NLRP8: variants seen among roughly 807,000 people sequenced by gnomAD.
NLRP8 encodes the protein NACHT, LRR and PYD domains-containing protein 8.
A neutral mutation model predicts 88.7 loss-of-function variants in NLRP8; 86 were observed. That is an observed-to-expected ratio of 0.97 (90% CI 0.81 to 1.16). The LOEUF (loss-of-function observed/expected upper bound fraction) is 1.16. Among genes scored for constraint, NLRP8 ranks in the 50% most tolerant of loss-of-function variants. The pLI, the probability that NLRP8 is intolerant of heterozygous loss-of-function variation, is 0.00. For missense variants in NLRP8, 1,342 were observed against 1,286.5 expected (o/e 1.04, Z -0.66); for synonymous variants, 504 against 494.6 (o/e 1.02, Z -0.25).
At chr19:55,979,161 C>T (rs1568469083) in intron 8 of NLRP8, among the ~76,000 whole-genome samples, 3 of 152,282 alleles carry the variant, frequency 2.0e-5, no homozygotes, top group African/African-American at 2.4e-5. Context: ...AAGCCATTTT[C>T]GAAAGATATA....
intron 6 of NLRP8, among the ~76,000 whole-genome samples, chr19:55,972,605 A>G (rs1980125741): frequency 6.7e-6 from 1 of 149,610 alleles, no homozygotes; most frequent in Non-Finnish European, 1.5e-5. Flanking sequence ...CCAAGTCCCC[A>G]AAGTCCAGTC....
intron 8 of NLRP8, among the ~76,000 whole-genome samples, chr19:55,976,720 A>ATGTATAAATATATATG: frequency 6.7e-6 from 1 of 149,710 alleles, no homozygotes; most frequent in Non-Finnish European, 1.5e-5. Context: ...ATAAAGATAC[A>ATGTATAAATATATATG]TATATAAATA....
chr19:55,985,873 G>A lies in NLRP8; in HGVS notation c.3048-1941G>A, dbSNP rs528543358. On this transcript the variant is annotated intron_variant, in intron 9 of 9. Coordinates refer to ENST00000291971, the MANE Select transcript of NLRP8 (RefSeq NM_176811.2). ...TCTATTAAAAATCTGAAAATTAGCC[G>A]GGCATGGTGGTACACACCTGTAGTC... Among the ~76,000 whole-genome samples, 14 of 152,172 alleles carry A rather than the reference G, an allele frequency of 9.2e-5. No individual in the cohort carries two copies. In the South Asian group the frequency reaches 1.9e-3, roughly 20 times the overall value.
At chr19:55,974,992 C>T (rs1359629821) in intron 7 of NLRP8, among the ~76,000 whole-genome samples, 1 of 152,128 alleles carries the variant, frequency 6.6e-6, no homozygotes, top group African/African-American at 2.4e-5. Context: ...TGCTCCTGCT[C>T]TGTCACGAGG....
intron 5 of NLRP8, among the ~76,000 whole-genome samples, chr19:55,970,303 T>C (rs1980016871): frequency 6.6e-6 from 1 of 152,126 alleles, no homozygotes; most frequent in African/African-American, 2.4e-5. Context: ...TGAATGGAAA[T>C]AGTTAGAGCT....
chr19:55,951,398 A>G (rs1979088516), intron 1 of NLRP8, among the ~76,000 whole-genome samples: 1 of 152,262 alleles, frequency 6.6e-6, no homozygotes, highest in Non-Finnish European at 1.5e-5. Flanking sequence ...GCAATGGTTC[A>G]GTATTAGCGA....
Position 55,979,550 on chromosome 19 carries a change from A to G in NLRP8, c.3033A>G (p.Arg1011=). The change falls in exon 9 of 10, where the codon AGA becomes AGG. Residue 1011 remains arginine, a synonymous_variant. Coordinates refer to ENST00000291971, the MANE Select transcript of NLRP8 (RefSeq NM_176811.2). ...AGGCCTTCTCAAGCCAAAAGAAGAGAGAAGAGGTCATTTTGTAAGTCTCCA... is the reference window on the plus strand; with the variant it reads ...AGGCCTTCTCAAGCCAAAAGAAGAGGGAAGAGGTCATTTTGTAAGTCTCCA... 1 of 1,614,182 alleles carries G rather than the reference A, an allele frequency of 6.2e-7. No homozygotes were observed. Among genetic ancestry groups the G allele is most frequent in the Non-Finnish European group, 8.5e-7 (1 of 1,180,030 alleles).
chr19:55,951,670 C>T (rs894066934), intron 1 of NLRP8, among the ~76,000 whole-genome samples: 8 of 152,198 alleles, frequency 5.3e-5, no homozygotes, highest in African/African-American at 1.9e-4. Flanking sequence ...ACACATCCTC[C>T]CACAGACTTA....
Position 55,987,957 on chromosome 19 carries a change from ACT to A in NLRP8, c.*47_*48del, listed in dbSNP as rs1980931505. 6.9e-7 allele frequency: 1 copy of A among 1,440,404 alleles called. No homozygotes were observed. Among genetic ancestry groups the A allele is most frequent in the African/African-American group, 1.4e-5 (1 of 71,582 alleles). The allele number at this position is 1,440,404 out of a possible 1,614,324, so 89.2% of individuals were successfully genotyped here. On this transcript the variant is annotated 3_prime_UTR_variant, in exon 10 of 10. Transcript: ENST00000291971. ...TCTGGGGCTTGATTGATCAGTTCCC[ACT>A]CTGACAACTGGCAAATACCAGGCGT...
chr19:55,978,602 A>T (rs181337573), intron 8 of NLRP8, among the ~76,000 whole-genome samples: 33 of 152,236 alleles, frequency 2.2e-4, no homozygotes, highest in Non-Finnish European at 4.6e-4. Context: ...TAACCCATTA[A>T]TCTAATAATC....
chr19:55,968,385 G>A (rs1979935453), intron 5 of NLRP8, among the ~76,000 whole-genome samples: 1 of 152,118 alleles, frequency 6.6e-6, no homozygotes, highest in Non-Finnish European at 1.5e-5. Context: ...GTTGCAGTGA[G>A]CCGAGATCAC....
chr19:55,976,265 G>T lies in NLRP8; in HGVS notation c.2838G>T (p.Glu946Asp), dbSNP rs747603413. The change falls in exon 8 of 10, where the codon GAG (glutamate) becomes GAT (aspartate). Residue 946 changes from glutamate (E) to aspartate (D), a missense_variant. By Grantham distance (45) the Glu-to-Asp change is conservative. Coordinates refer to ENST00000291971, the MANE Select transcript of NLRP8 (RefSeq NM_176811.2). ...ATGATGGGGTGATCCTGCTGTGTGA[G>T]GCCCTGAAGAACCCTGACTGTACAT... is the stretch of plus-strand genomic sequence containing the variant. 1 of 1,612,960 alleles carries T rather than the reference G, an allele frequency of 6.2e-7. No homozygotes were observed. The highest frequency in any genetic ancestry group is 1.1e-5 in the South Asian group (1 of 90,846).
intron 6 of NLRP8, 107 bp from the exon 7 acceptor site, chr19:55,973,545 G>A: frequency 1.0e-6 from 1 of 973,588 alleles, no homozygotes; most frequent in East Asian, 2.5e-5. Context: ...ACAGAGGTGT[G>A]AGGATGCTTC....
Position 55,973,634 on chromosome 19 carries a change from T to C in NLRP8, c.2535-18T>C, listed in dbSNP as rs775697270. ...AGACCCCTCTCCATTCAGTCATCTG[T>C]GTGCTTCTCTCCCATAGGATAGAGA... On this transcript the variant is annotated intron_variant, in intron 6 of 9. Coordinates refer to ENST00000291971, the MANE Select transcript of NLRP8 (RefSeq NM_176811.2). 1 of 1,582,440 alleles carries C rather than the reference T, an allele frequency of 6.3e-7. No individual in the cohort carries two copies. Among genetic ancestry groups the C allele is most frequent in the Non-Finnish European group, 8.6e-7 (1 of 1,159,498 alleles).
At chr19:55,969,864 C>A (rs964758044) in intron 5 of NLRP8, among the ~76,000 whole-genome samples, 1 of 152,196 alleles carries the variant, frequency 6.6e-6, no homozygotes, top group Non-Finnish European at 1.5e-5. Flanking sequence ...GTGGTAAGCA[C>A]AATGCTTCAC....
rs1403013825 is a variant in NLRP8, at chr19:55,976,191, A to G, written c.2764A>G (p.Lys922Glu). Reference sequence around the variant, plus strand: ...TCAGGATATGATCTCTGCGCTCTGTAAAAATAAAACCCTGAAAAGTCTTGA... The same window carrying G: ...TCAGGATATGATCTCTGCGCTCTGTGAAAATAAAACCCTGAAAAGTCTTGA... The change falls in exon 8 of 10, where the codon AAA becomes GAA. Residue 922 changes from lysine to glutamate, a missense_variant. By Grantham distance (56) the Lys-to-Glu change is moderately conservative. Coordinates refer to ENST00000291971, the MANE Select transcript of NLRP8 (RefSeq NM_176811.2). 6.2e-7 allele frequency: 1 copy of G among 1,613,758 alleles called. No homozygotes were observed.
chr19:55,966,440 G>T, intron 5 of NLRP8, 60 bp downstream of exon 5: 1 of 1,498,220 alleles, frequency 6.7e-7, no homozygotes, highest in Non-Finnish European at 9.2e-7. Context: ...CTTTTCAAGG[G>T]CGGTGATGAG....
chr19:55,955,395 T>A lies in NLRP8; in HGVS notation c.1337T>A (p.Ile446Asn). The A allele has an allele frequency of 1.2e-6, 2 of 1,614,172 alleles. No individual in the cohort carries two copies. The highest frequency in any genetic ancestry group is 8.5e-7 in the Non-Finnish European group (1 of 1,180,032). The change falls in exon 3 of 10, where the codon ATC becomes AAC. Residue 446 changes from isoleucine to asparagine, a missense_variant. Coordinates refer to ENST00000291971, the MANE Select transcript of NLRP8 (RefSeq NM_176811.2). ...AGAGCTGAGAACTTTTCCAGAAAGA[T>A]CCACCAAGCACAACTGGAAGGTCTG...
At chr19:55,961,147 C>T (rs1273022780) in intron 3 of NLRP8, among the ~76,000 whole-genome samples, 2 of 152,082 alleles carry the variant, frequency 1.3e-5, no homozygotes, top group African/African-American at 4.8e-5. Context: ...TGGTGATCCG[C>T]CTGCCTTGGC....
Sources: gnomAD v4.1 joint callset for allele counts (sites outside exome capture counted in the v4.1 genomes callset) on GRCh38, gnomAD v4.1.1 for gene constraint, MANE v1.5 for transcripts, NCBI Gene and HGNC (gene_info 2026-07-23, HGNC 2026-07-21) for gene names.